HLCS: variants seen among roughly 807,000 people sequenced by gnomAD.
HLCS encodes the protein biotin--protein ligase.
HLCS carries 53 observed loss-of-function variants against 75.0 expected under a neutral mutation model. That is an observed-to-expected ratio of 0.71 (90% CI 0.57 to 0.89). HLCS has a LOEUF of 0.89. HLCS is among the 40% of genes least tolerant of loss of function. The pLI is 0.00. For synonymous variants in HLCS, 431 were observed against 428.6 expected (o/e 1.01, Z -0.07); for missense variants, 966 against 1,074.0 (o/e 0.90, Z 1.41).
rs761549990 is a variant in HLCS, at chr21:36,793,295, CTTT to C, written c.1893-26013_1893-26011del. ...AGAACACGGGACAGCAGGAAGCAGT[CTTT>C]TTTTTTTTTTTTTTTGAGATAGAGT... On this transcript the variant is annotated intron_variant, in intron 6 of 10. Transcript: ENST00000674895. 1.0e-4 allele frequency among the ~76,000 whole-genome samples: 12 copies of C among 116,238 alleles called. 1 individual carries two copies. Among genetic ancestry groups the C allele is most frequent in the Non-Finnish European group, 1.3e-4 (7 of 55,988 alleles). The allele number at this position is 116,238 out of a possible 152,430, so 76.3% of individuals were successfully genotyped here.
At chr21:36,779,670 T>C (rs1195154495) in intron 6 of HLCS, among the ~76,000 whole-genome samples, 1 of 151,988 alleles carries the variant, frequency 6.6e-6, no homozygotes, top group East Asian at 1.9e-4. Context: ...CCTGAGGGTA[T>C]AGATTCAAAT....
At chr21:36,946,616 G>A (rs78573209) in intron 2 of HLCS, among the ~76,000 whole-genome samples, 3,823 of 151,616 alleles carry the variant, frequency 0.025, 155 homozygotes, top group African/African-American at 0.088. Flanking sequence ...TATTCTCCTC[G>A]GAAAAACAAT....
chr21:36,790,195 G>A (rs1312439140), intron 6 of HLCS, among the ~76,000 whole-genome samples: 1 of 152,128 alleles, frequency 6.6e-6, no homozygotes, highest in Non-Finnish European at 1.5e-5. Context: ...CACGAGGTCA[G>A]GAGATCAAGA....
At chr21:36,932,961 T>C (rs2066713541) in intron 4 of HLCS, among the ~76,000 whole-genome samples, 1 of 151,820 alleles carries the variant, frequency 6.6e-6, no homozygotes, top group African/African-American at 2.4e-5. Flanking sequence ...CCACTAAAAA[T>C]ACAAAAATCA....
upstream of HLCS, chr21:36,968,664 A>C (rs2068705882): frequency 6.6e-6 from 1 of 152,246 alleles, no homozygotes; most frequent in Non-Finnish European, 1.5e-5. Context: ...ACTCCAGGAC[A>C]ACACAGGACT....
rs150657120 is a variant in HLCS, at chr21:36,847,104, T to C, written c.1892+49756A>G. Among the ~76,000 whole-genome samples the C allele has an allele frequency of 3.7e-3, 558 of 152,336 alleles. 1 individual carries two copies. The highest frequency in any genetic ancestry group is 6.3e-3 in the Non-Finnish European group (429 of 68,024). ...GTTAGAAACGCCACCACAGCCACAATATAAAATGATGGTATCTTTCTCTTT... is the reference window on the plus strand; with the variant it reads ...GTTAGAAACGCCACCACAGCCACAACATAAAATGATGGTATCTTTCTCTTT... On this transcript the variant is annotated intron_variant, in intron 6 of 10. Transcript: ENST00000674895.
At chr21:36,756,472 AAAAAAAG>A in intron 10 of HLCS, 63 bp downstream of exon 10, 1 of 719,464 alleles carries the variant, frequency 1.4e-6, no homozygotes. Context: ...AAAAAAAAAA[AAAAAAAG>A]ATACAGAACT....
chr21:36,939,496 G>A (rs2067044128), intron 2 of HLCS, among the ~76,000 whole-genome samples: 1 of 152,180 alleles, frequency 6.6e-6, no homozygotes, highest in African/African-American at 2.4e-5. Context: ...GGACTTTCTG[G>A]AGTTGAAGTC....
rs886654758 is a variant in HLCS, at chr21:36,987,119, T to C, written c.-393+3039A>G. On this transcript the variant is annotated intron_variant, in intron 1 of 11. Transcript: ENST00000336648. ...CATTCTTTGAGCACCTCCTTGTGTT[T>C]TGAACAAGCCGCTCCTGACTCATCG... Among the ~76,000 whole-genome samples the C allele has an allele frequency of 9.2e-5, 14 of 152,354 alleles. No individual in the cohort carries two copies. The South Asian group carries it at 1.5e-3, about 16-fold the overall frequency.
At chr21:36,925,420 G>A (rs2066358776) in intron 5 of HLCS, among the ~76,000 whole-genome samples, 1 of 152,178 alleles carries the variant, frequency 6.6e-6, no homozygotes, top group African/African-American at 2.4e-5. Context: ...AAATTCTTGT[G>A]CTCCCCAGAT....
Position 36,930,469 on chromosome 21 carries a change from C to T in HLCS, c.1438-36G>A, listed in dbSNP as rs2073425. 0.57 allele frequency: 868,815 copies of T among 1,522,762 alleles called. 248,944 individuals carry two copies. Among genetic ancestry groups the T allele is most frequent in the Admixed American group, 0.7 (41,931 of 59,752 alleles). The allele number at this position is 1,522,762 out of a possible 1,614,324, so 94.3% of individuals were successfully genotyped here. ...AAGATAGCACTATGTAAACTGAGGGCACTCACAGGCAATGAGAAAAACAGT... is the reference window on the plus strand; with the variant it reads ...AAGATAGCACTATGTAAACTGAGGGTACTCACAGGCAATGAGAAAAACAGT... On this transcript the variant is annotated intron_variant, in intron 4 of 10. Coordinates refer to ENST00000674895, the MANE Select transcript of HLCS (RefSeq NM_001352514.2).
chr21:36,762,693 C>G (rs1402301443), intron 8 of HLCS, among the ~76,000 whole-genome samples: 1 of 152,210 alleles, frequency 6.6e-6, no homozygotes, highest in Non-Finnish European at 1.5e-5. Context: ...ACAGGTGAGG[C>G]TGGGTAGCTG....
At chr21:36,968,355 A>G (rs1018388931), upstream of HLCS, among the ~76,000 whole-genome samples, 9 of 152,154 alleles carry the variant, frequency 5.9e-5, no homozygotes, top group South Asian at 8.3e-4. Flanking sequence ...GCTGCATAGA[A>G]CACCCACTCC....
intron 6 of HLCS, among the ~76,000 whole-genome samples, chr21:36,875,280 G>A (rs2835520): frequency 0.48 from 73,232 of 151,958 alleles, 19,716 homozygotes; most frequent in African/African-American, 0.73. Context: ...TTCCAGGTGA[G>A]GTCCACGGCC....
intron 6 of HLCS, among the ~76,000 whole-genome samples, chr21:36,896,063 T>C (rs1045393933): frequency 1.3e-5 from 2 of 152,192 alleles, no homozygotes; most frequent in Middle Eastern, 6.8e-3. Context: ...AAAAAAGGTA[T>C]GGGGGTTGGG....
chr21:36,940,042 C>T (rs1484154763), intron 2 of HLCS, among the ~76,000 whole-genome samples: 2 of 152,188 alleles, frequency 1.3e-5, no homozygotes, highest in Admixed American at 6.5e-5. Flanking sequence ...GAGCAAGACT[C>T]CATCTCAAAA....
intron 5 of HLCS, among the ~76,000 whole-genome samples, chr21:36,911,036 T>C (rs1459417219): frequency 6.6e-6 from 1 of 152,150 alleles, no homozygotes; most frequent in Non-Finnish European, 1.5e-5. Context: ...CCAAAATGAA[T>C]CTGGAGATGT....
intron 1 of HLCS, among the ~76,000 whole-genome samples, chr21:36,966,139 G>A (rs996309849): frequency 6.6e-6 from 1 of 152,214 alleles, no homozygotes; most frequent in Non-Finnish European, 1.5e-5. Flanking sequence ...GGCGACCCCA[G>A]GTGGGCACTG....
intron 1 of HLCS, chr21:36,972,342 G>T (rs1003795179): frequency 1.3e-5 from 2 of 152,100 alleles, no homozygotes; most frequent in Admixed American, 6.6e-5. Flanking sequence ...AAAAGACAGG[G>T]TCTTGCCCTA....
Sources: gnomAD v4.1 joint callset for allele counts (sites outside exome capture counted in the v4.1 genomes callset) on GRCh38, gnomAD v4.1.1 for gene constraint, MANE v1.5 for transcripts, NCBI Gene and HGNC (gene_info 2026-07-23, HGNC 2026-07-21) for gene names.